Variants in HIVEP3 observed in about 807,000 individuals in gnomAD.
The protein encoded by HIVEP3 is HIVEP zinc finger 3.
In HIVEP3, 49 loss-of-function variants were observed where a neutral mutation model predicts 152.8. The observed-to-expected ratio is 0.32, with a 90% CI of 0.26 to 0.41. The LOEUF is 0.41. HIVEP3 is among the 10% of genes least tolerant of loss of function. HIVEP3 has a pLI of 1.00. For synonymous variants in HIVEP3, 1,269 were observed against 1,289.0 expected, an observed-to-expected ratio of 0.98 and a Z score of 0.33; for missense variants, 2,790 against 3,103.3, an observed-to-expected ratio of 0.90 and a Z score of 2.40.
chr1:41,628,989 G>A, intron 2 of HIVEP3, 42 bp from the exon 3 acceptor site: 10 of 1,219,154 alleles, frequency 8.2e-6, no homozygotes, highest in Non-Finnish European at 8.2e-6. Context: ...GAACTTTCTT[G>A]GTCAACTTTT....
chr1:41,815,956 C>G (rs1009010692), intron 1 of HIVEP3, among the ~76,000 whole-genome samples: 3 of 152,134 alleles, frequency 2.0e-5, no homozygotes, highest in Non-Finnish European at 2.9e-5. Context: ...AATTAAACCA[C>G]TGAAGCCCAC....
intron 3 of HIVEP3, among the ~76,000 whole-genome samples, chr1:41,623,642 G>A (rs1394012062): frequency 6.6e-6 from 1 of 152,150 alleles, no homozygotes; most frequent in African/African-American, 2.4e-5. Context: ...CAGGACTCCT[G>A]GGTTTCATTC....
At chr1:41,530,124 G>T (rs1643201181) in intron 5 of HIVEP3, among the ~76,000 whole-genome samples, 1 of 152,074 alleles carries the variant, frequency 6.6e-6, no homozygotes, top group Non-Finnish European at 1.5e-5. Context: ...TGTCACCTCA[G>T]ATTTGGCCAA....
rs558120189 is a variant in HIVEP3, at chr1:41,939,934, CATT to C, written n.120-21413_120-21411del. ...TTTTTATTTCCCATTTTTCAATTCT[CATT>C]ATTAATATATTTTCATTATTGATAA... On this transcript the variant is annotated intron_variant and non_coding_transcript_variant, in intron 1 of 3. Coordinates refer to the HIVEP3 transcript ENST00000489103. 3.4e-3 allele frequency among the ~76,000 whole-genome samples: 509 copies of C among 151,474 alleles called. 1 individual carries two copies. The highest frequency in any genetic ancestry group is 0.011 in the African/African-American group (452 of 41,318).
intron 1 of HIVEP3, among the ~76,000 whole-genome samples, chr1:41,837,842 C>T (rs1643170911): frequency 6.6e-6 from 1 of 152,232 alleles, no homozygotes; most frequent in Admixed American, 6.5e-5. Flanking sequence ...ATTTATTCCA[C>T]ATGGCACCAC....
Position 41,585,292 on chromosome 1 carries a change from C to G in HIVEP3, c.-495G>C, listed in dbSNP as rs570513785. The G allele has an allele frequency of 2.3e-5, 9 of 398,830 alleles. No individual in the cohort carries two copies. The highest frequency in any genetic ancestry group is 4.1e-5 in the African/African-American group (2 of 48,534). 24.7% of individuals were successfully genotyped at this position (398,830 alleles called of 1,614,324 possible). On this transcript the variant is annotated 5_prime_UTR_variant, in exon 4 of 9. Transcript: ENST00000372583. ...TTAGTTCTGGGTTGGAGATCAACGG[C>G]CTTGGAGGAGAAATCACGCTCTTCT...
chr1:41,553,091 A>G (rs930979431), intron 5 of HIVEP3, among the ~76,000 whole-genome samples: 1 of 152,198 alleles, frequency 6.6e-6, no homozygotes, highest in Non-Finnish European at 1.5e-5. Flanking sequence ...TAGTATTGAC[A>G]GTGGGGAGTT....
At chr1:41,969,325 G>T (rs1645216304) in intron 1 of HIVEP3, among the ~76,000 whole-genome samples, 1 of 152,144 alleles carries the variant, frequency 6.6e-6, no homozygotes, top group South Asian at 2.1e-4. Flanking sequence ...CAAGGCTACA[G>T]TAACCAAAAC....
In HIVEP3 at chr1:41,796,976, G is replaced by A. The variant is rs139288198; in HGVS notation, c.-800-95981C>T. On this transcript the variant is annotated intron_variant, in intron 1 of 8. Coordinates refer to ENST00000372583, the MANE Select transcript of HIVEP3 (RefSeq NM_024503.5). ...ATCCAGAAGCTACATTGTGAAACTGGTGGAAAAAGTCTTCCTCTCCCTTTT... is the reference window on the plus strand; with the variant it reads ...ATCCAGAAGCTACATTGTGAAACTGATGGAAAAAGTCTTCCTCTCCCTTTT... Among the ~76,000 whole-genome samples the A allele has an allele frequency of 3.1e-3, 472 of 152,246 alleles. 2 individuals carry two copies. The highest frequency in any genetic ancestry group is 5.5e-3 in the Non-Finnish European group (376 of 68,010).
chr1:41,866,906 T>A (rs1643986859), intron 1 of HIVEP3, among the ~76,000 whole-genome samples: 2 of 152,250 alleles, frequency 1.3e-5, no homozygotes, highest in South Asian at 4.1e-4. Flanking sequence ...AAACCTTGAC[T>A]GTGTCTTAAG....
chr1:41,614,350 G>A (rs1275777626), intron 3 of HIVEP3, among the ~76,000 whole-genome samples: 1 of 152,220 alleles, frequency 6.6e-6, no homozygotes, highest in Admixed American at 6.5e-5. Context: ...TGATCTCAAA[G>A]CTCAACAGAG....
rs147434967 is a variant in HIVEP3, at chr1:41,934,716, C to T, written n.120-16192G>A. On this transcript the variant is annotated intron_variant and non_coding_transcript_variant, in intron 1 of 3. Transcript: ENST00000489103. ...TTGTTTTTGAGAAATGTAAGATATA[C>T]GGGGAAAATCCTATAGGAGTTAAGT... is the stretch of plus-strand genomic sequence containing the variant. Among the ~76,000 whole-genome samples, 397 of 152,116 alleles carry T rather than the reference C, an allele frequency of 2.6e-3. 3 individuals are homozygous for T. Among genetic ancestry groups the T allele is most frequent in the Middle Eastern group, 0.017 (5 of 294 alleles).
intron 3 of HIVEP3, among the ~76,000 whole-genome samples, chr1:41,602,492 T>C (rs891507428): frequency 6.6e-5 from 10 of 152,154 alleles, no homozygotes; most frequent in African/African-American, 1.9e-4. Flanking sequence ...TGGGAACATA[T>C]CCATTTCTTT....
At chr1:41,536,604 T>C (rs1469744851) in intron 5 of HIVEP3, among the ~76,000 whole-genome samples, 1 of 152,122 alleles carries the variant, frequency 6.6e-6, no homozygotes, top group Non-Finnish European at 1.5e-5. Flanking sequence ...GCAGGGCATA[T>C]CCCTCTCTGA....
chr1:41,584,761 C>T lies in HIVEP3; in HGVS notation c.37G>A (p.Ala13Thr), dbSNP rs116266551. The change falls in exon 4 of 9, where the codon GCT becomes ACT. Residue 13 changes from alanine (A) to threonine (T), a missense_variant. Physicochemically the swap from Ala to Thr is moderately conservative, Grantham distance 58. Around this residue, in one of 9 missense-constraint regions of HIVEP3, gnomAD observed 209 missense variants for 237.0 expected, o/e 0.88. Transcript: ENST00000372583. This position sits in a 1 kb window ranked among gnomAD's most constrained non-coding sequence, Gnocchi z 5.2. ...AGCCGCTTCCGGGGACTTCCCTCAGCCTTCTTGGTGCCCTTGACACTTTGT... is the reference window on the plus strand; with the variant it reads ...AGCCGCTTCCGGGGACTTCCCTCAGTCTTCTTGGTGCCCTTGACACTTTGT... ...PEQSVKGTKKAEGSPRKRLTK... is the reference protein window; with the variant it reads ...PEQSVKGTKKTEGSPRKRLTK... 8.2e-4 allele frequency: 1,247 copies of T among 1,518,392 alleles called. 14 individuals are homozygous for T. In the African/African-American group the frequency reaches 0.016, roughly 19 times the overall value. The allele number at this position is 1,518,392 out of a possible 1,614,324, so 94.1% of individuals were successfully genotyped here.
chr1:41,752,278 C>G (rs1321227996), intron 1 of HIVEP3, among the ~76,000 whole-genome samples: 19 of 152,238 alleles, frequency 1.2e-4, no homozygotes, highest in Non-Finnish European at 1.5e-5. Context: ...CTGTGGCAGT[C>G]ACCCACGGAG....
chr1:41,561,549 G>A (rs1644062687), intron 5 of HIVEP3, among the ~76,000 whole-genome samples: 1 of 151,026 alleles, frequency 6.6e-6, no homozygotes, highest in Non-Finnish European at 1.5e-5. Flanking sequence ...GGGTATCACT[G>A]TCACCCAGGC....
chr1:41,996,738 T>G (rs1238714252), intron 1 of HIVEP3, among the ~76,000 whole-genome samples: 1 of 152,214 alleles, frequency 6.6e-6, no homozygotes, highest in Non-Finnish European at 1.5e-5. Context: ...AATACAAATT[T>G]ACTATCGTAC....
intron 3 of HIVEP3, among the ~76,000 whole-genome samples, chr1:41,596,307 G>C (rs1644665069): frequency 6.6e-6 from 1 of 152,228 alleles, no homozygotes; most frequent in South Asian, 2.1e-4. Flanking sequence ...GCTGGGCCAT[G>C]CTTCCAGGGT....
Sources: gnomAD v4.1 joint callset for allele counts (sites outside exome capture counted in the v4.1 genomes callset) on GRCh38, gnomAD v4.1.1 for gene constraint, gnomAD v4.1.1 regional missense constraint, Gnocchi (gnomAD v3.1) non-coding constraint, MANE v1.5 for transcripts, NCBI Gene and HGNC (gene_info 2026-07-23, HGNC 2026-07-21) for gene names.